The following DLC1 variants were observed in gnomAD, a reference collection of about 807,000 sequenced individuals.
The protein encoded by DLC1 is rho GTPase-activating protein 7.
In DLC1, 54 loss-of-function variants were observed where a neutral mutation model predicts 140.3. The ratio of observed to expected loss-of-function variants is 0.38; its 90% CI spans 0.31 to 0.48. DLC1 has a LOEUF of 0.48. DLC1 is among the 20% of genes least tolerant of loss of function. The pLI is 0.96. For synonymous variants in DLC1, 986 were observed against 728.1 expected (o/e 1.35, Z -5.70); for missense variants, 2,536 against 1,907.0 (o/e 1.33, Z -6.14).
At chr8:13,330,978 T>A (rs1441156370) in intron 4 of DLC1, among the ~76,000 whole-genome samples, 3 of 151,812 alleles carry the variant, frequency 2.0e-5, no homozygotes, top group Non-Finnish European at 4.4e-5. Context: ...GGAAAAAAAA[T>A]AAAGCAAAGA....
At chr8:13,495,328 T>C (rs181310010) in intron 2 of DLC1, among the ~76,000 whole-genome samples, 1 of 152,282 alleles carries the variant, frequency 6.6e-6, no homozygotes, top group Non-Finnish European at 1.5e-5. Flanking sequence ...TCTCATCTGG[T>C]TTAAAGAGAC....
At chr8:13,453,544 ATATATATATATAT>A (rs1563360898) in intron 2 of DLC1, among the ~76,000 whole-genome samples, 8 of 42,784 alleles carry the variant, frequency 1.9e-4, no homozygotes, top group African/African-American at 1.0e-3. Context: ...ATATACATAT[ATATATATATATAT>A]TTTTTTTTTT....
chr8:13,595,669 T>C (rs1267957443), intron 1 of DLC1, among the ~76,000 whole-genome samples: 1 of 152,056 alleles, frequency 6.6e-6, no homozygotes, highest in East Asian at 1.9e-4. Context: ...TAGAGATACA[T>C]ATTTAAACAT....
At chr8:13,450,864 C>T (rs1323408869) in intron 2 of DLC1, among the ~76,000 whole-genome samples, 1 of 151,302 alleles carries the variant, frequency 6.6e-6, no homozygotes, top group African/African-American at 2.4e-5. Flanking sequence ...CATGGTGAAA[C>T]CCCGTTTCTA....
At chr8:13,570,453 AC>A (rs1804612125) in intron 1 of DLC1, among the ~76,000 whole-genome samples, 1 of 59,366 alleles carries the variant, frequency 1.7e-5, no homozygotes, top group Non-Finnish European at 3.1e-5. Flanking sequence ...CCCTCCCCCC[AC>A]CCCACCACAG....
At chr8:13,292,795 A>AT (rs1287019235) in intron 5 of DLC1, among the ~76,000 whole-genome samples, 15 of 152,136 alleles carry the variant, frequency 9.9e-5, no homozygotes, top group Admixed American at 5.2e-4. Context: ...TGTGTCACTC[A>AT]TTTTTTTGTT....
At chr8:13,596,855 T>G (rs1355199230) in intron 1 of DLC1, among the ~76,000 whole-genome samples, 2 of 151,964 alleles carry the variant, frequency 1.3e-5, no homozygotes. Context: ...TAATGTAAAT[T>G]TTGGTAGAGG....
chr8:13,216,021 T>G (rs750881861), intron 5 of DLC1, among the ~76,000 whole-genome samples: 2 of 152,152 alleles, frequency 1.3e-5, no homozygotes, highest in Non-Finnish European at 2.9e-5. Context: ...CTCCATTCTC[T>G]CGCAGTTCCC....
At chr8:13,553,180 A>C (rs183764320) in intron 1 of DLC1, among the ~76,000 whole-genome samples, 1 of 141,848 alleles carries the variant, frequency 7.0e-6, no homozygotes, top group African/African-American at 2.6e-5. Flanking sequence ...AAGTCATTAT[A>C]TTGACAAATA....
intron 2 of DLC1, among the ~76,000 whole-genome samples, chr8:13,495,536 A>T (rs978832590): frequency 6.6e-6 from 1 of 152,170 alleles, no homozygotes; most frequent in African/African-American, 2.4e-5. Flanking sequence ...ATTTCATTAT[A>T]TATTTCATCC....
At chr8:13,320,895 C>T (rs966957748) in intron 4 of DLC1, among the ~76,000 whole-genome samples, 1 of 152,116 alleles carries the variant, frequency 6.6e-6, no homozygotes, top group East Asian at 1.9e-4. Context: ...GAACCTTTCT[C>T]CCCAGCTGTC....
intron 5 of DLC1, among the ~76,000 whole-genome samples, chr8:13,273,123 G>T (rs1384241756): frequency 6.6e-6 from 1 of 152,172 alleles, no homozygotes; most frequent in Non-Finnish European, 1.5e-5. Flanking sequence ...ATGATAAAGA[G>T]ATCCGTGGGC....
chr8:13,544,701 G>C (rs554068523), intron 1 of DLC1, among the ~76,000 whole-genome samples: 1 of 152,080 alleles, frequency 6.6e-6, no homozygotes, highest in African/African-American at 2.4e-5. Flanking sequence ...AGTTAAGTCC[G>C]ATCGGTATAT....
intron 5 of DLC1, among the ~76,000 whole-genome samples, chr8:13,246,742 A>T (rs1306732260): frequency 6.6e-6 from 1 of 151,820 alleles, no homozygotes; most frequent in Non-Finnish European, 1.5e-5. Flanking sequence ...TATCACATTT[A>T]TCTGAGTTCC....
intron 5 of DLC1, among the ~76,000 whole-genome samples, chr8:13,124,581 T>A (rs111937214): frequency 2.0e-5 from 3 of 152,228 alleles, no homozygotes; most frequent in African/African-American, 7.2e-5. Context: ...CTTCTGATAC[T>A]CTATCACAGA....
chr8:13,109,873 G>A (rs902737916), intron 7 of DLC1, among the ~76,000 whole-genome samples: 2 of 151,734 alleles, frequency 1.3e-5, no homozygotes, highest in Admixed American at 1.3e-4. Flanking sequence ...CAACAAGAGC[G>A]AAACTCCTTC....
At chr8:13,122,610 A>C (rs938119215) in intron 5 of DLC1, among the ~76,000 whole-genome samples, 2 of 152,172 alleles carry the variant, frequency 1.3e-5, no homozygotes, top group Non-Finnish European at 2.9e-5. Flanking sequence ...CGCAGTTGCC[A>C]AAGACTGGTT....
intron 5 of DLC1, among the ~76,000 whole-genome samples, chr8:13,252,845 G>T (rs1830071267): frequency 6.6e-6 from 1 of 152,188 alleles, no homozygotes; most frequent in African/African-American, 2.4e-5. Flanking sequence ...AGGAAGAAGA[G>T]TGTCTTGACC....
In DLC1 at chr8:13,083,368, T is replaced by C. The variant is rs1415393841; in HGVS notation, c.*2443A>G. The stretch of plus-strand genomic sequence containing the variant: ...AGAAGCTAATCCAATCAGTTCAGTA[T>C]AGCAAATAATAAATTTATTAGGTGC... On this transcript the variant is annotated 3_prime_UTR_variant, in exon 18 of 18. Transcript: ENST00000276297. 6.6e-6 allele frequency: 1 copy of C among 152,096 alleles called. No individual in the cohort carries two copies. The highest frequency in any genetic ancestry group is 1.5e-5 in the Non-Finnish European group (1 of 68,020). The allele number at this position is 152,096 out of a possible 1,614,324, so 9.4% of individuals were successfully genotyped here.
Sources: gnomAD v4.1 joint callset for allele counts (sites outside exome capture counted in the v4.1 genomes callset) on GRCh38, gnomAD v4.1.1 for gene constraint, MANE v1.5 for transcripts, NCBI Gene and HGNC (gene_info 2026-07-23, HGNC 2026-07-21) for gene names.